CTNNA2: variants seen among roughly 807,000 people sequenced by gnomAD.
CTNNA2 encodes the protein catenin alpha 2, also known as catenin alpha-2.
CTNNA2 carries 42 observed loss-of-function variants against 101.0 expected under a neutral mutation model. The ratio of observed to expected loss-of-function variants is 0.42; its 90% CI spans 0.32 to 0.54. CTNNA2 has a LOEUF of 0.54. Ranked by LOEUF, CTNNA2 falls within the 20% of genes least tolerant of loss-of-function variation. CTNNA2 has a pLI of 0.14. For missense variants in CTNNA2, 871 were observed against 1,223.1 expected (o/e 0.71, Z 4.29); for synonymous variants, 450 against 456.4 (o/e 0.99, Z 0.18).
chr2:80,187,706 GAA>G (rs1706220860), intron 7 of CTNNA2, among the ~76,000 whole-genome samples: 1 of 152,042 alleles, frequency 6.6e-6, no homozygotes, highest in African/African-American at 2.4e-5. Flanking sequence ...AGAACAGAGA[GAA>G]AGAGGGGCAG....
intron 7 of CTNNA2, among the ~76,000 whole-genome samples, chr2:80,233,474 A>C (rs1430429187): frequency 6.6e-6 from 1 of 152,148 alleles, no homozygotes; most frequent in Non-Finnish European, 1.5e-5. Context: ...TGCTCTGGAG[A>C]ATAACTGCCC....
At chr2:79,587,337 T>G (rs1208452581) in intron 1 of CTNNA2, among the ~76,000 whole-genome samples, 1 of 152,148 alleles carries the variant, frequency 6.6e-6, no homozygotes. Flanking sequence ...CCCATTTTAA[T>G]GAGATGAGGA....
At chr2:80,221,189 G>A (rs1021164322) in intron 7 of CTNNA2, among the ~76,000 whole-genome samples, 19 of 152,198 alleles carry the variant, frequency 1.2e-4, no homozygotes, top group African/African-American at 1.7e-4. Context: ...AGCCCTTCCC[G>A]TTTTTATTAA....
chr2:79,750,550 C>T (rs1671955103), intron 3 of CTNNA2, among the ~76,000 whole-genome samples: 1 of 152,190 alleles, frequency 6.6e-6, no homozygotes, highest in South Asian at 2.1e-4. Context: ...GGTTTATGAG[C>T]TTATTGTTTA....
intron 7 of CTNNA2, among the ~76,000 whole-genome samples, chr2:79,933,981 A>G (rs1159157505): frequency 6.6e-6 from 1 of 152,234 alleles, no homozygotes; most frequent in African/African-American, 2.4e-5. Flanking sequence ...GAGGTAATAG[A>G]AACCATTCCA....
intron 6 of CTNNA2, among the ~76,000 whole-genome samples, chr2:79,878,048 G>T (rs971635243): frequency 2.6e-5 from 4 of 152,018 alleles, no homozygotes; most frequent in African/African-American, 7.2e-5. Flanking sequence ...CTCCCACTTA[G>T]GAATGAGAAC....
At chr2:79,830,479 CA>C (rs1222525286) in intron 3 of CTNNA2, among the ~76,000 whole-genome samples, 1 of 152,082 alleles carries the variant, frequency 6.6e-6, no homozygotes, top group African/African-American at 2.4e-5. Context: ...AAAAAAATTT[CA>C]AAAACAAAAC....
intron 4 of CTNNA2, among the ~76,000 whole-genome samples, chr2:79,385,673 T>G (rs1678090858): frequency 6.6e-6 from 1 of 151,972 alleles, no homozygotes; most frequent in African/African-American, 2.4e-5. Flanking sequence ...CCTAATGCTC[T>G]CCCTCCCCTT....
intron 2 of CTNNA2, among the ~76,000 whole-genome samples, chr2:79,294,674 G>T (rs13382380): frequency 0.25 from 38,725 of 152,000 alleles, 5,382 homozygotes; most frequent in African/African-American, 0.36. Flanking sequence ...TAACTTATTT[G>T]AATTTTGCAT....
chr2:80,119,172 G>A (rs1220866966), intron 7 of CTNNA2, among the ~76,000 whole-genome samples: 3 of 152,260 alleles, frequency 2.0e-5, no homozygotes, highest in Non-Finnish European at 4.4e-5. Flanking sequence ...TTGTCATGGT[G>A]GCAAGATGGC....
At chr2:79,408,119 C>T (rs949361267) in intron 4 of CTNNA2, among the ~76,000 whole-genome samples, 1 of 151,960 alleles carries the variant, frequency 6.6e-6, no homozygotes, top group African/African-American at 2.4e-5. Context: ...CCTGGCATCT[C>T]TGCCTGACTC....
intron 9 of CTNNA2, among the ~76,000 whole-genome samples, chr2:80,472,777 C>G (rs907552053): frequency 1.3e-5 from 2 of 152,184 alleles, no homozygotes; most frequent in African/African-American, 4.8e-5. Context: ...TTAAACAAGG[C>G]TTGTGGGCTA....
chr2:79,377,626 A>G (rs559317807), intron 4 of CTNNA2, among the ~76,000 whole-genome samples: 1 of 152,236 alleles, frequency 6.6e-6, no homozygotes, highest in East Asian at 1.9e-4. Context: ...CCTTTCCAGA[A>G]TAATAGTGGT....
At chr2:80,248,814 G>T (rs13425842) in intron 7 of CTNNA2, among the ~76,000 whole-genome samples, 16,473 of 152,240 alleles carry the variant, frequency 0.11, 1,221 homozygotes, top group East Asian at 0.26. Context: ...GCCCAGTTTA[G>T]TAGTGAAGCA....
chr2:80,381,311 A>AGATTGGG (rs1676495118), intron 7 of CTNNA2, among the ~76,000 whole-genome samples: 1 of 152,014 alleles, frequency 6.6e-6, no homozygotes, highest in Non-Finnish European at 1.5e-5. Flanking sequence ...TAGCACCTCT[A>AGATTGGG]GATTGGGGCT....
intron 1 of CTNNA2, among the ~76,000 whole-genome samples, chr2:79,638,669 G>A (rs1325595975): frequency 6.6e-6 from 1 of 152,158 alleles, no homozygotes; most frequent in Admixed American, 6.5e-5. Context: ...ACTGCATGAG[G>A]CAGGTCTATT....
At chr2:79,914,201 A>G (rs1271256991) in intron 7 of CTNNA2, among the ~76,000 whole-genome samples, 1 of 150,688 alleles carries the variant, frequency 6.6e-6, no homozygotes, top group Non-Finnish European at 1.5e-5. Context: ...AAAGTAGCTT[A>G]CTTGGCAATG....
intron 4 of CTNNA2, among the ~76,000 whole-genome samples, chr2:79,470,874 A>G (rs1443774070): frequency 1.3e-5 from 2 of 152,226 alleles, no homozygotes; most frequent in South Asian, 2.1e-4. Flanking sequence ...AAAATCTTAC[A>G]TTTGTGTTTT....
chr2:79,936,106 G>A (rs7562935), intron 7 of CTNNA2, among the ~76,000 whole-genome samples: 376 of 152,240 alleles, frequency 2.5e-3, no homozygotes, highest in African/African-American at 8.3e-3. Context: ...AGGCTTAAAA[G>A]AACAATGTGC....
Sources: gnomAD v4.1 joint callset for allele counts (sites outside exome capture counted in the v4.1 genomes callset) on GRCh38, gnomAD v4.1.1 for gene constraint, MANE v1.5 for transcripts, NCBI Gene and HGNC (gene_info 2026-07-23, HGNC 2026-07-21) for gene names.